CHSY3: variants seen among roughly 807,000 people sequenced by gnomAD.
CHSY3 encodes the protein chondroitin sulfate synthase 3.
In CHSY3, 35 loss-of-function variants were observed where a neutral mutation model predicts 67.2. That is an observed-to-expected ratio of 0.52 (90% CI 0.40 to 0.69). The LOEUF (loss-of-function observed/expected upper bound fraction) is 0.69. Ranked by LOEUF, CHSY3 falls within the 30% of genes least tolerant of loss-of-function variation. The probability of loss-of-function intolerance (pLI) is 0.00; values close to 1 mark genes in which losing one functional copy is unlikely to be tolerated. For synonymous variants in CHSY3, 474 were observed against 434.7 expected, an observed-to-expected ratio of 1.09 and a Z score of -1.12; for missense variants, 1,069 against 1,138.5, an observed-to-expected ratio of 0.94 and a Z score of 0.88.
At chr5:130,009,942 C>G (rs1764000675) in intron 2 of CHSY3, among the ~76,000 whole-genome samples, 1 of 152,082 alleles carries the variant, frequency 6.6e-6, no homozygotes, top group African/African-American at 2.4e-5. Flanking sequence ...ACTTACCTAT[C>G]CTAAATATAT....
chr5:129,915,338 G>T (rs1275183305), intron 2 of CHSY3, among the ~76,000 whole-genome samples: 1 of 152,080 alleles, frequency 6.6e-6, no homozygotes, highest in East Asian at 1.9e-4. Context: ...CTTAAATACT[G>T]TCCTAACCAT....
intron 2 of CHSY3, among the ~76,000 whole-genome samples, chr5:129,913,619 C>T (rs985160742): frequency 5.3e-5 from 8 of 152,002 alleles, no homozygotes; most frequent in African/African-American, 1.9e-4. Flanking sequence ...AATTTTAATT[C>T]TGATTATTGT....
intron 2 of CHSY3, among the ~76,000 whole-genome samples, chr5:129,912,927 C>CA (rs769921742): frequency 6.6e-6 from 1 of 152,174 alleles, no homozygotes; most frequent in Non-Finnish European, 1.5e-5. Context: ...GGTTATACCT[C>CA]AAACTTTATA....
rs530720539 is a variant in CHSY3 at position 129,908,370 on chromosome 5, G to C, written c.1086+10G>C. 1.9e-6 allele frequency: 3 copies of C among 1,612,626 alleles called. No individual in the cohort carries two copies. Among genetic ancestry groups the C allele is most frequent in the South Asian group, 2.2e-5 (2 of 90,994 alleles). ...TGTCTGGTCTTACGAGGTAAGCATG[G>C]AGCTGTGATGAAAATGTTCACATAG... is the stretch of plus-strand genomic sequence containing the variant. On this transcript the variant is annotated intron_variant, in intron 2 of 2. Transcript: ENST00000305031.
chr5:130,052,579 T>A (rs1765397626), intron 2 of CHSY3, among the ~76,000 whole-genome samples: 1 of 152,122 alleles, frequency 6.6e-6, no homozygotes, highest in Non-Finnish European at 1.5e-5. Context: ...TTTTATGAAC[T>A]GCTGTGAGAG....
At chr5:130,070,947 G>C (rs1419762112) in intron 2 of CHSY3, among the ~76,000 whole-genome samples, 2 of 151,980 alleles carry the variant, frequency 1.3e-5, no homozygotes, top group Non-Finnish European at 2.9e-5. Flanking sequence ...GTAGAGAGAA[G>C]GGTTTGTAGC....
chr5:130,032,932 T>A (rs1764744013), intron 2 of CHSY3, among the ~76,000 whole-genome samples: 3 of 152,092 alleles, frequency 2.0e-5, no homozygotes, highest in African/African-American at 7.2e-5. Flanking sequence ...AGAATGCACA[T>A]TAGACAAGTC....
chr5:130,048,011 AAAG>A (rs895401115), intron 2 of CHSY3, among the ~76,000 whole-genome samples: 10 of 151,340 alleles, frequency 6.6e-5, no homozygotes, highest in Non-Finnish European at 8.8e-5. Flanking sequence ...GGCTGTAAAA[AAAG>A]AAGTAAAGAA....
chr5:130,053,074 A>T (rs994993643), intron 2 of CHSY3, among the ~76,000 whole-genome samples: 2 of 152,152 alleles, frequency 1.3e-5, no homozygotes, highest in Non-Finnish European at 2.9e-5. Flanking sequence ...GCAGTATCCT[A>T]AAGATTAGAC....
chr5:130,068,733 G>A (rs995668326), intron 2 of CHSY3, among the ~76,000 whole-genome samples: 1 of 152,146 alleles, frequency 6.6e-6, no homozygotes, highest in Non-Finnish European at 1.5e-5. Flanking sequence ...CATCAATCAT[G>A]CTGGTACATG....
chr5:130,168,015 A>C (rs1279453167), intron 2 of CHSY3, among the ~76,000 whole-genome samples: 1 of 152,110 alleles, frequency 6.6e-6, no homozygotes, highest in Non-Finnish European at 1.5e-5. Flanking sequence ...ACACACATGC[A>C]CACACACTGA....
intron 2 of CHSY3, among the ~76,000 whole-genome samples, chr5:130,178,281 A>G: frequency 9.5e-6 from 1 of 105,292 alleles, no homozygotes; most frequent in South Asian, 3.9e-4. Flanking sequence ...CCTGAGACGG[A>G]GTCTCACTCT....
At chr5:130,102,154 A>C (rs1767266004) in intron 2 of CHSY3, among the ~76,000 whole-genome samples, 2 of 152,122 alleles carry the variant, frequency 1.3e-5, no homozygotes, top group African/African-American at 4.8e-5. Context: ...TTGTTAACAC[A>C]TTGACTTTAA....
At chr5:129,946,876 T>G (rs1486356289) in intron 2 of CHSY3, among the ~76,000 whole-genome samples, 1 of 152,234 alleles carries the variant, frequency 6.6e-6, no homozygotes, top group Non-Finnish European at 1.5e-5. Context: ...TTGTGAATAA[T>G]ACTACAATGA....
chr5:129,957,160 C>G (rs1284982153), intron 2 of CHSY3, among the ~76,000 whole-genome samples: 1 of 152,016 alleles, frequency 6.6e-6, no homozygotes, highest in East Asian at 1.9e-4. Flanking sequence ...TTTTGCAACT[C>G]TCATTGTAGT....
intron 2 of CHSY3, among the ~76,000 whole-genome samples, chr5:130,108,700 G>A (rs1436683046): frequency 1.3e-5 from 2 of 151,544 alleles, no homozygotes; most frequent in Admixed American, 6.6e-5. Flanking sequence ...AGTTTTTACA[G>A]CATTTAAAAA....
intron 2 of CHSY3, among the ~76,000 whole-genome samples, chr5:129,968,212 T>A (rs1206925199): frequency 6.6e-6 from 1 of 151,840 alleles, no homozygotes; most frequent in African/African-American, 2.4e-5. Context: ...TATACATCGA[T>A]AAATCCACAC....
At chr5:129,977,923 C>T (rs1762863164) in intron 2 of CHSY3, among the ~76,000 whole-genome samples, 1 of 149,350 alleles carries the variant, frequency 6.7e-6, no homozygotes. Flanking sequence ...AAAAATAAAT[C>T]ATAGATGGAT....
rs200009025 is a variant in CHSY3 at position 129,957,847 on chromosome 5, C to CT, written c.1086+49495dup. ...ACTTGTGTCCTTCAAATCTGGGTTTCTTTTTTTTCTATTGTTTCCTTGATT... is the reference window on the plus strand; with the variant it reads ...ACTTGTGTCCTTCAAATCTGGGTTTCTTTTTTTTTCTATTGTTTCCTTGATT... On this transcript the variant is annotated intron_variant, in intron 2 of 2. Transcript: ENST00000305031. Among the ~76,000 whole-genome samples the CT allele has an allele frequency of 7.0e-3, 1,068 of 151,876 alleles. 7 individuals carry two copies. The highest frequency in any genetic ancestry group is 0.015 in the South Asian group (72 of 4,816).
Sources: gnomAD v4.1 joint callset for allele counts (sites outside exome capture counted in the v4.1 genomes callset) on GRCh38, gnomAD v4.1.1 for gene constraint, MANE v1.5 for transcripts, NCBI Gene and HGNC (gene_info 2026-07-23, HGNC 2026-07-21) for gene names.